The following ENTPD5 variants were observed in gnomAD, a reference collection of about 807,000 sequenced individuals.
ENTPD5 encodes nucleoside diphosphate phosphatase ENTPD5.
Under a neutral mutation model 60.2 loss-of-function variants are expected in ENTPD5, and 49 were observed. The observed-to-expected ratio is 0.81, with a 90% confidence interval of 0.65 to 1.03. ENTPD5 has a LOEUF of 1.03. Among genes scored for constraint, ENTPD5 ranks in the 50% least tolerant of loss-of-function variants. The pLI is 0.00. For missense variants in ENTPD5, 480 were observed against 507.6 expected (o/e 0.95, Z 0.52); for synonymous variants, 187 against 185.4 (o/e 1.01, Z -0.07).
rs139804322 is a variant in ENTPD5, at chr14:74,014,537, T to G, written c.-131+1287A>C. On this transcript the variant is annotated intron_variant, in intron 2 of 15. Transcript: ENST00000334696. ...CTGCACTCCAGCCTGGGTGACATAG[T>G]GAGACCCTGTCATTCATTAACAAAT... Among the ~76,000 whole-genome samples the G allele has an allele frequency of 5.4e-3, 823 of 151,648 alleles. 1 individual carries two copies. The highest frequency in any genetic ancestry group is 0.018 in the African/African-American group (763 of 41,342).
At chr14:74,014,171 C>A (rs62005078) in intron 2 of ENTPD5, among the ~76,000 whole-genome samples, 9 of 152,052 alleles carry the variant, frequency 5.9e-5, no homozygotes, top group African/African-American at 1.9e-4. Context: ...TAGTGGTGCA[C>A]GCCTGTAGTC....
intron 3 of ENTPD5, among the ~76,000 whole-genome samples, chr14:73,999,530 T>G (rs2058440657): frequency 6.6e-6 from 1 of 151,310 alleles, no homozygotes; most frequent in Non-Finnish European, 1.5e-5. Flanking sequence ...GCACGGTGGC[T>G]CACTCCTGTA....
At chr14:73,971,190 C>T (rs1211174622) in intron 14 of ENTPD5, among the ~76,000 whole-genome samples, 1 of 149,638 alleles carries the variant, frequency 6.7e-6, no homozygotes, top group South Asian at 2.1e-4. Flanking sequence ...TGGAGTCTCA[C>T]TCTGTTGCTC....
intron 3 of ENTPD5, among the ~76,000 whole-genome samples, chr14:73,992,275 C>G (rs770541100): frequency 2.0e-5 from 3 of 152,160 alleles, no homozygotes; most frequent in Non-Finnish European, 2.9e-5. Context: ...TCAGCTCTAA[C>G]AAAATACTTC....
downstream of ENTPD5, chr14:73,963,088 T>G: frequency 3.7e-6 from 4 of 1,081,526 alleles, no homozygotes; most frequent in Non-Finnish European, 5.7e-6. Flanking sequence ...CTTATTTAAT[T>G]TAATAAACTT....
intron 13 of ENTPD5, 27 bp downstream of exon 13, chr14:73,972,857 C>T: frequency 1.2e-6 from 2 of 1,612,680 alleles, no homozygotes; most frequent in Non-Finnish European, 1.7e-6. Flanking sequence ...ACCTTCCTCT[C>T]TGGACTGACA....
intron 2 of ENTPD5, among the ~76,000 whole-genome samples, chr14:74,012,265 C>T (rs1367015515): frequency 1.3e-5 from 2 of 148,918 alleles, no homozygotes; most frequent in African/African-American, 2.5e-5. Context: ...CCACCATCCC[C>T]GGCTAATTTT....
intron 6 of ENTPD5, 84 bp downstream of exon 6, chr14:73,982,934 T>C (rs771800261): frequency 2.8e-5 from 40 of 1,408,730 alleles, no homozygotes; most frequent in Non-Finnish European, 3.8e-5. Context: ...AAGGTAGTGG[T>C]CACATTCCAA....
intron 13 of ENTPD5, among the ~76,000 whole-genome samples, 184 bp downstream of exon 13, chr14:73,972,700 T>C (rs941359283): frequency 6.6e-6 from 1 of 151,894 alleles, no homozygotes; most frequent in Non-Finnish European, 1.5e-5. Flanking sequence ...AGACCTCATA[T>C]AGTTGTTTTG....
At chr14:73,957,300 TG>T (rs1316161812), downstream of ENTPD5, among the ~76,000 whole-genome samples, 1 of 152,096 alleles carries the variant, frequency 6.6e-6, no homozygotes, top group Non-Finnish European at 1.5e-5. Flanking sequence ...GGTTTCACCG[TG>T]GTCTCAATCT....
intron 3 of ENTPD5, among the ~76,000 whole-genome samples, chr14:73,993,938 A>T (rs1468504): frequency 6.6e-6 from 1 of 151,106 alleles, no homozygotes; most frequent in African/African-American, 2.4e-5. Context: ...AAAAAAACAA[A>T]CAAAAAACCC....
At chr14:73,988,474 T>G (rs758430187) in intron 3 of ENTPD5, among the ~76,000 whole-genome samples, 3 of 152,240 alleles carry the variant, frequency 2.0e-5, no homozygotes, top group Non-Finnish European at 4.4e-5. Context: ...AAAGATCAAA[T>G]CAGAGAATCT....
At chr14:74,014,360 G>T (rs1488606683) in intron 2 of ENTPD5, among the ~76,000 whole-genome samples, 1 of 150,446 alleles carries the variant, frequency 6.6e-6, no homozygotes, top group Non-Finnish European at 1.5e-5. Flanking sequence ...AGTAGCAACA[G>T]AGTGAGATCC....
At chr14:73,957,400 G>T (rs933675828), downstream of ENTPD5, among the ~76,000 whole-genome samples, 2 of 152,188 alleles carry the variant, frequency 1.3e-5, no homozygotes, top group East Asian at 3.9e-4. Context: ...TATTTAAATC[G>T]CTTTGTTGAC....
chr14:73,958,738 G>A, downstream of ENTPD5: 1 of 1,431,570 alleles, frequency 7.0e-7, no homozygotes, highest in Non-Finnish European at 9.1e-7. Flanking sequence ...GCCTGGCTGA[G>A]TTTAACTCAT....
intron 2 of ENTPD5, among the ~76,000 whole-genome samples, chr14:74,012,331 T>C (rs1274735209): frequency 6.6e-6 from 1 of 152,096 alleles, no homozygotes; most frequent in African/African-American, 2.4e-5. Context: ...GGTCTTGAAC[T>C]CCTGACCTCA....
At chr14:73,995,294 C>T (rs556000473) in intron 3 of ENTPD5, among the ~76,000 whole-genome samples, 127 of 152,076 alleles carry the variant, frequency 8.4e-4, no homozygotes, top group Middle Eastern at 3.4e-3. Flanking sequence ...GTGATCCACC[C>T]GCCTCAGCCT....
chr14:74,004,753 G>A (rs966307289), intron 3 of ENTPD5, among the ~76,000 whole-genome samples: 1 of 152,088 alleles, frequency 6.6e-6, no homozygotes, highest in African/African-American at 2.4e-5. Context: ...AATCCAAGAA[G>A]AGCAGGGCAG....
At chr14:74,010,503 G>A (rs12886808) in intron 3 of ENTPD5, among the ~76,000 whole-genome samples, 24,150 of 151,704 alleles carry the variant, frequency 0.16, 2,075 homozygotes, top group Admixed American at 0.21. Context: ...GCAGTAAGCC[G>A]TGATCAAGCC....
Sources: allele counts gnomAD v4.1 joint callset (sites outside exome capture counted in the v4.1 genomes callset), GRCh38; gene constraint gnomAD v4.1.1; transcripts MANE v1.5; gene names NCBI Gene and HGNC (gene_info 2026-07-23, HGNC 2026-07-21).